Variants in BCO2 observed in about 807,000 individuals in gnomAD.
BCO2 encodes beta-carotene oxygenase 2, also known as carotenoid-cleaving dioxygenase, mitochondrial.
BCO2 carries 56 observed loss-of-function variants against 65.8 expected under a neutral mutation model. The ratio of observed to expected loss-of-function variants is 0.85; its 90% CI spans 0.69 to 1.06. The LOEUF is 1.06. BCO2 is among the 50% of genes least tolerant of loss of function. The pLI is 0.00. For missense variants in BCO2, 675 were observed against 698.5 expected, an observed-to-expected ratio of 0.97 and a Z score of 0.38; for synonymous variants, 233 against 242.3, an observed-to-expected ratio of 0.96 and a Z score of 0.36.
chr11:112,202,000 A>T, intron 7 of BCO2, 23 bp from the exon 8 acceptor site: 1 of 1,527,326 alleles, frequency 6.5e-7, no homozygotes, highest in Non-Finnish European at 8.8e-7. Context: ...AATTTTTTTC[A>T]TTGTTTGTGT....
Position 112,178,320 on chromosome 11 carries a change from C to T in BCO2, c.89-958C>T, listed in dbSNP as rs1392616664. On this transcript the variant is annotated intron_variant, in intron 1 of 11. Coordinates refer to ENST00000357685, the MANE Select transcript of BCO2 (RefSeq NM_031938.7). ...AGAATTAGGTTTGACTCATTTGTTA[C>T]ATGTCATATAGGGGAGTAGAATGTC... Among the ~76,000 whole-genome samples, 5 of 152,232 alleles carry T rather than the reference C, an allele frequency of 3.3e-5. 2 individuals carry two copies. Among genetic ancestry groups the T allele is most frequent in the Admixed American group, 2.6e-4 (4 of 15,296 alleles).
chr11:112,189,076 A>G (rs1017133359), intron 2 of BCO2, among the ~76,000 whole-genome samples: 2 of 152,252 alleles, frequency 1.3e-5, no homozygotes, highest in Admixed American at 1.3e-4. Flanking sequence ...TGAAATGACA[A>G]TGGAGAAGAA....
chr11:112,195,008 T>G (rs1867528511), intron 5 of BCO2, among the ~76,000 whole-genome samples: 1 of 145,292 alleles, frequency 6.9e-6, no homozygotes, highest in South Asian at 2.2e-4. Flanking sequence ...AACCCAGCAG[T>G]TTTTGGTCTA....
chr11:112,200,807 TG>T (rs1367566831), intron 7 of BCO2, 34 bp downstream of exon 7: 3 of 1,595,920 alleles, frequency 1.9e-6, no homozygotes, highest in Non-Finnish European at 2.6e-6. Flanking sequence ...TCATGAAAAT[TG>T]TTGGAAACAA....
intron 5 of BCO2, among the ~76,000 whole-genome samples, chr11:112,197,381 C>G (rs1867610474): frequency 6.6e-6 from 1 of 151,996 alleles, no homozygotes; most frequent in Non-Finnish European, 1.5e-5. Context: ...GACCTCATCT[C>G]TACAAAAAAT....
At chr11:112,192,097 T>C (rs1867407615) in intron 2 of BCO2, among the ~76,000 whole-genome samples, 1 of 152,194 alleles carries the variant, frequency 6.6e-6, no homozygotes, top group African/African-American at 2.4e-5. Context: ...TTCCTCCTGT[T>C]AACCACCATT....
At chr11:112,177,852 C>CTAA (rs1254457672) in intron 1 of BCO2, among the ~76,000 whole-genome samples, 1 of 151,688 alleles carries the variant, frequency 6.6e-6, no homozygotes, top group African/African-American at 2.4e-5. Context: ...ACTGTGCTGC[C>CTAA]TCTTAAGGGA....
rs4935984 is a variant in BCO2, at chr11:112,202,207, G to A, written c.1194+17G>A. On this transcript the variant is annotated intron_variant, in intron 8 of 11. Coordinates refer to ENST00000357685, the MANE Select transcript of BCO2 (RefSeq NM_031938.7). ...CTTGATCAGGTAAACATTAGAATTT[G>A]TCAAGAGTCATCAAAATAATTTTGA... The A allele has an allele frequency of 0.36, 564,866 of 1,585,034 alleles. 104,713 individuals carry two copies. The highest frequency in any genetic ancestry group is 0.58 in the South Asian group (50,012 of 86,378).
At chr11:112,191,364 A>G (rs184220221) in intron 2 of BCO2, among the ~76,000 whole-genome samples, 24 of 152,316 alleles carry the variant, frequency 1.6e-4, no homozygotes, top group African/African-American at 5.3e-4. Context: ...AACAATAATC[A>G]GAGAACATAA....
chr11:112,191,614 C>T (rs1332648874), intron 2 of BCO2, among the ~76,000 whole-genome samples: 1 of 151,950 alleles, frequency 6.6e-6, no homozygotes. Context: ...AAAGTTGGAC[C>T]AATTGATACT....
At chr11:112,194,807 T>G in intron 5 of BCO2, 52 bp downstream of exon 5, 22 of 1,298,910 alleles carry the variant, frequency 1.7e-5, no homozygotes, top group Non-Finnish European at 2.2e-5. Context: ...AGGCACGGTG[T>G]GTATATAAAG....
At chr11:112,177,108 C>A (rs1021911144) in intron 1 of BCO2, among the ~76,000 whole-genome samples, 3 of 152,064 alleles carry the variant, frequency 2.0e-5, no homozygotes, top group Non-Finnish European at 4.4e-5. Flanking sequence ...TCAGGCCATT[C>A]AATTTACTTA....
intron 2 of BCO2, among the ~76,000 whole-genome samples, chr11:112,184,402 G>A (rs553486476): frequency 3.8e-4 from 58 of 151,856 alleles, no homozygotes; most frequent in Middle Eastern, 6.8e-3. Context: ...ACAGGTGCCC[G>A]CCACCACGCC....
chr11:112,209,628 GA>G (rs1859450893), intron 8 of BCO2, among the ~76,000 whole-genome samples: 1 of 152,148 alleles, frequency 6.6e-6, no homozygotes. Context: ...TTTTTGTCAT[GA>G]ATGGATGTTG....
intron 2 of BCO2, among the ~76,000 whole-genome samples, chr11:112,187,054 A>C (rs1203274147): frequency 6.6e-6 from 1 of 152,040 alleles, no homozygotes; most frequent in Non-Finnish European, 1.5e-5. Flanking sequence ...TACTATACAG[A>C]ATTTCTCCAC....
At chr11:112,193,366 C>A in intron 2 of BCO2, 108 bp from the exon 3 acceptor site, 1 of 1,045,532 alleles carries the variant, frequency 9.6e-7, no homozygotes, top group Non-Finnish European at 1.4e-6. Flanking sequence ...TGCTGGGAAC[C>A]TGTCCCATTT....
At chr11:112,190,444 A>G in intron 2 of BCO2, among the ~76,000 whole-genome samples, 1 of 152,242 alleles carries the variant, frequency 6.6e-6, no homozygotes, top group South Asian at 2.1e-4. Context: ...ATTCATTAAT[A>G]CAATACAAAT....
intron 8 of BCO2, chr11:112,208,558 A>T (rs2135390008): frequency 5.5e-6 from 1 of 181,912 alleles, no homozygotes; most frequent in Admixed American, 6.3e-5. Context: ...GTGGCTGTAG[A>T]TTAAAAAAAT....
At chr11:112,213,199 A>G (rs1159901009) in intron 8 of BCO2, among the ~76,000 whole-genome samples, 2 of 118,628 alleles carry the variant, frequency 1.7e-5, no homozygotes, top group Admixed American at 1.3e-4. Context: ...GCTGGAGTGC[A>G]ATGGCATGAT....
Sources: gnomAD v4.1 joint callset for allele counts (sites outside exome capture counted in the v4.1 genomes callset) on GRCh38, gnomAD v4.1.1 for gene constraint, MANE v1.5 for transcripts, NCBI Gene and HGNC (gene_info 2026-07-23, HGNC 2026-07-21) for gene names.